SPPL2A: variants seen among roughly 807,000 people sequenced by gnomAD.
The protein encoded by SPPL2A is signal peptide peptidase like 2A.
In SPPL2A, 51 loss-of-function variants were observed where a neutral mutation model predicts 63.8. The ratio of observed to expected loss-of-function variants is 0.80; its 90% CI spans 0.64 to 1.01. The LOEUF is 1.01. SPPL2A is among the 50% of genes least tolerant of loss of function. SPPL2A has a pLI of 0.00. For missense variants in SPPL2A, 553 were observed against 622.7 expected, an observed-to-expected ratio of 0.89 and a Z score of 1.19; for synonymous variants, 188 against 205.8, an observed-to-expected ratio of 0.91 and a Z score of 0.74.
chr15:50,726,196 A>G, intron 11 of SPPL2A, 125 bp downstream of exon 11: 1 of 1,479,954 alleles, frequency 6.8e-7, no homozygotes, highest in Non-Finnish European at 9.2e-7. Context: ...ATATTTTCTG[A>G]GAAATAAGTT....
chr15:50,710,590 T>C (rs1166445383), intron 14 of SPPL2A, among the ~76,000 whole-genome samples: 1 of 152,248 alleles, frequency 6.6e-6, no homozygotes, highest in Admixed American at 6.5e-5. Context: ...AAGCTTGATT[T>C]GGAAAGATGG....
intron 1 of SPPL2A, among the ~76,000 whole-genome samples, chr15:50,750,690 C>A (rs1452474653): frequency 6.6e-6 from 1 of 152,042 alleles, no homozygotes; most frequent in Non-Finnish European, 1.5e-5. Flanking sequence ...ACTATTGTAC[C>A]TGGGGGGAGA....
At chr15:50,757,019 G>C (rs992515320) in intron 1 of SPPL2A, among the ~76,000 whole-genome samples, 2 of 151,712 alleles carry the variant, frequency 1.3e-5, no homozygotes, top group Non-Finnish European at 2.9e-5. Context: ...TACAATACTG[G>C]CATGGGTTTC....
chr15:50,765,579 A>G lies in SPPL2A; in HGVS notation c.-46T>C. On this transcript the variant is annotated 5_prime_UTR_variant, in exon 1 of 15. Transcript: ENST00000261854. ...GGGACGGCACGGTGCGGCGCAGCTC[A>G]CTCGGCGGGGTAGGCTCGGAGTCCC... is the stretch of plus-strand genomic sequence containing the variant. The G allele has an allele frequency of 5.4e-6, 7 of 1,302,404 alleles. No homozygotes were observed. The highest frequency in any genetic ancestry group is 5.9e-6 in the Non-Finnish European group (6 of 1,008,598). The allele number at this position is 1,302,404 out of a possible 1,614,324, so 80.7% of individuals were successfully genotyped here.
chr15:50,747,768 T>C (rs1294578765), intron 4 of SPPL2A, 140 bp from the exon 5 acceptor site: 1 of 642,322 alleles, frequency 1.6e-6, no homozygotes, highest in Non-Finnish European at 2.7e-6. Flanking sequence ...TCTGATGACA[T>C]GATATATTCT....
intron 5 of SPPL2A, among the ~76,000 whole-genome samples, 159 bp downstream of exon 5, chr15:50,747,336 G>A (rs2141050712): frequency 6.6e-6 from 1 of 152,292 alleles, no homozygotes; most frequent in South Asian, 2.1e-4. Context: ...TCTCTCTGGT[G>A]AAAATGTAAA....
chr15:50,737,230 G>A lies in SPPL2A; in HGVS notation c.734-490C>T, dbSNP rs765939455. Reference sequence around the variant, plus strand: ...CCCAGCTGTCTTCTTTTTAAATAGCGATGAATTTAAGGAAATCTCTTACCA... The same window carrying A: ...CCCAGCTGTCTTCTTTTTAAATAGCAATGAATTTAAGGAAATCTCTTACCA... On this transcript the variant is annotated intron_variant, in intron 6 of 14. Coordinates refer to ENST00000261854, the MANE Select transcript of SPPL2A (RefSeq NM_032802.4). Among the ~76,000 whole-genome samples, 12 of 151,980 alleles carry A rather than the reference G, an allele frequency of 7.9e-5. No individual in the cohort carries two copies. In the South Asian group the frequency reaches 8.3e-4, roughly 11 times the overall value.
chr15:50,751,116 T>C (rs151221582), intron 1 of SPPL2A, among the ~76,000 whole-genome samples: 139 of 152,308 alleles, frequency 9.1e-4, no homozygotes, highest in Non-Finnish European at 1.8e-3. Context: ...TAAGCAAGTA[T>C]AGGGAATTCA....
At chr15:50,716,957 T>C (rs1277312738) in intron 14 of SPPL2A, among the ~76,000 whole-genome samples, 1 of 152,180 alleles carries the variant, frequency 6.6e-6, no homozygotes, top group Non-Finnish European at 1.5e-5. Context: ...TGTTCAAGAC[T>C]GAATTCATCA....
At chr15:50,744,292 A>G (rs991351737) in intron 5 of SPPL2A, among the ~76,000 whole-genome samples, 1 of 152,214 alleles carries the variant, frequency 6.6e-6, no homozygotes, top group African/African-American at 2.4e-5. Context: ...AAAAATGTTT[A>G]AAGCTCAATG....
chr15:50,762,731 T>C (rs2063022897), intron 1 of SPPL2A, among the ~76,000 whole-genome samples: 1 of 137,918 alleles, frequency 7.3e-6, no homozygotes, highest in Non-Finnish European at 1.6e-5. Flanking sequence ...TCTTTTTTTC[T>C]TTTCTTTTTT....
intron 3 of SPPL2A, 32 bp from the exon 4 acceptor site, chr15:50,748,234 A>T: frequency 1.3e-6 from 1 of 791,232 alleles, no homozygotes; most frequent in Admixed American, 3.2e-5. Context: ...AAACTTATTT[A>T]CTACTAATAT....
chr15:50,714,462 T>C lies in SPPL2A; in HGVS notation c.1488+5478A>G, dbSNP rs191188442. Among the ~76,000 whole-genome samples, 823 of 151,312 alleles carry C rather than the reference T, an allele frequency of 5.4e-3. 7 individuals are homozygous for C. The highest frequency in any genetic ancestry group is 0.019 in the African/African-American group (797 of 41,142). On this transcript the variant is annotated intron_variant, in intron 14 of 14. Coordinates refer to ENST00000261854, the MANE Select transcript of SPPL2A (RefSeq NM_032802.4). The stretch of plus-strand genomic sequence containing the variant: ...GCCTGACCAACATAGTGAAACCCCA[T>C]CTCTACTAAAAATACAAAATTAGCT...
intron 14 of SPPL2A, among the ~76,000 whole-genome samples, chr15:50,718,177 C>A (rs1459127416): frequency 1.3e-5 from 2 of 151,880 alleles, no homozygotes; most frequent in Admixed American, 1.3e-4. Context: ...TGGAGTTTCA[C>A]CGTGTTAGCC....
chr15:50,736,142 T>C lies in SPPL2A; in HGVS notation c.891A>G (p.Ile297Met), dbSNP rs765342584. 1 of 1,613,172 alleles carries C rather than the reference T, an allele frequency of 6.2e-7. No individual in the cohort carries two copies. The highest frequency in any genetic ancestry group is 8.5e-7 in the Non-Finnish European group (1 of 1,179,476). Residue 297 changes from isoleucine (I) to methionine (M), a missense_variant, in exon 8 of 15, where the codon ATA becomes ATG. Ile to Met is a conservative substitution (Grantham distance 10, BLOSUM62 1). Transcript: ENST00000261854. Reference sequence around the variant, plus strand: ...ACACAGCCCAAACAACAGCTACTGCTATGCACAGTCCAGAGAGAAAAATAA... The same window carrying C: ...ACACAGCCCAAACAACAGCTACTGCCATGCACAGTCCAGAGAGAAAAATAA... ...VRLIFLSGLCIAVAVVWAVFR... is the reference protein window; with the variant it reads ...VRLIFLSGLCMAVAVVWAVFR...
intron 8 of SPPL2A, among the ~76,000 whole-genome samples, chr15:50,735,532 CACAT>C (rs1490130331): frequency 2.3e-5 from 3 of 128,906 alleles, no homozygotes; most frequent in Non-Finnish European, 5.0e-5. Context: ...TACACACACA[CACAT>C]ATATACATAC....
At position 50,739,769 on chromosome 15, in the gene SPPL2A, TA is replaced by T. The variant is rs2062803656; in HGVS notation, c.643del (p.Tyr215IlefsTer2). 6.2e-7 allele frequency: 1 copy of T among 1,604,266 alleles called. No individual in the cohort carries two copies. Among genetic ancestry groups the T allele is most frequent in the Admixed American group, 1.7e-5 (1 of 57,750 alleles). ...DREMRKKKEEYLTFSPLTVVI... is the reference protein window; with the variant it reads ...DREMRKKKEEXLTFSPLTVVI... The stretch of plus-strand genomic sequence containing the variant: ...AACTGTAAGAGGACTAAAAGTTAAA[TA>T]TTCTTCCTTCTTTTTCCTCATTTCT... On this transcript the variant is annotated frameshift_variant, in exon 6 of 15. Transcript: ENST00000261854. LOFTEE classifies it high-confidence loss of function.
At chr15:50,730,111 A>C (rs2062719432) in intron 10 of SPPL2A, among the ~76,000 whole-genome samples, 1 of 152,212 alleles carries the variant, frequency 6.6e-6, no homozygotes, top group Admixed American at 6.5e-5. Context: ...AATGGGAGAA[A>C]GTAGGGGAAT....
At chr15:50,721,059 A>G (rs568792047) in intron 13 of SPPL2A, among the ~76,000 whole-genome samples, 1 of 151,150 alleles carries the variant, frequency 6.6e-6, no homozygotes, top group Non-Finnish European at 1.5e-5. Context: ...TTTTTTTGAG[A>G]TGGAGCCTCG....
Sources: gnomAD v4.1 joint callset for allele counts (sites outside exome capture counted in the v4.1 genomes callset) on GRCh38, gnomAD v4.1.1 for gene constraint, MANE v1.5 for transcripts, NCBI Gene and HGNC (gene_info 2026-07-23, HGNC 2026-07-21) for gene names.